Variants in PIK3CD observed in about 807,000 individuals in gnomAD.
The protein encoded by PIK3CD is phosphatidylinositol 4,5-bisphosphate 3-kinase catalytic subunit delta isoform.
In PIK3CD, 20 loss-of-function variants were observed where a neutral mutation model predicts 122.9. That is an observed-to-expected ratio of 0.16 (90% CI 0.11 to 0.24). The LOEUF is 0.24. Ranked by LOEUF, PIK3CD falls within the 10% of genes least tolerant of loss-of-function variation. PIK3CD has a pLI of 1.00. For synonymous variants in PIK3CD, 596 were observed against 593.4 expected (o/e 1.00, Z -0.06); for missense variants, 787 against 1,406.3 (o/e 0.56, Z 7.04).
the PIK3CD span, among the ~76,000 whole-genome samples, chr1:9,644,499 C>T: frequency 1.3e-4 from 19 of 151,058 alleles, no homozygotes; most frequent in African/African-American, 2.9e-4. Context: ...GCCTGGATGA[C>T]GAGGAAGACT....
chr1:9,644,905 A>G, the PIK3CD span, among the ~76,000 whole-genome samples: 2 of 152,182 alleles, frequency 1.3e-5, no homozygotes, highest in Non-Finnish European at 2.9e-5. Flanking sequence ...GGTGTTAGTC[A>G]TTAAAGGGTG....
At chr1:9,627,512 G>C in the PIK3CD span, among the ~76,000 whole-genome samples, 1 of 152,270 alleles carries the variant, frequency 6.6e-6, no homozygotes, top group Non-Finnish European at 1.5e-5. Context: ...CCGTCAGTGG[G>C]AGCATGACGC....
chr1:9,660,113 A>G (rs1230643537), intron 1 of PIK3CD, among the ~76,000 whole-genome samples: 64 of 152,298 alleles, frequency 4.2e-4, no homozygotes, highest in African/African-American at 1.5e-3. Flanking sequence ...GGCTTTCACC[A>G]TGTTGGTCAG....
intron 2 of PIK3CD, among the ~76,000 whole-genome samples, chr1:9,698,238 G>C (rs1646494322): frequency 6.6e-6 from 1 of 152,098 alleles, no homozygotes; most frequent in African/African-American, 2.4e-5. Context: ...CGCCTCCCAG[G>C]TTCAAGCAAT....
At chr1:9,681,661 C>T (rs1645758574) in intron 1 of PIK3CD, among the ~76,000 whole-genome samples, 1 of 152,180 alleles carries the variant, frequency 6.6e-6, no homozygotes, top group Non-Finnish European at 1.5e-5. Flanking sequence ...CTCCCCGCCT[C>T]GGGCTCCAAA....
intron 1 of PIK3CD, among the ~76,000 whole-genome samples, chr1:9,658,603 C>T (rs1206121433): frequency 7.2e-6 from 1 of 138,376 alleles, no homozygotes; most frequent in African/African-American, 2.7e-5. Context: ...GATCTTGGCT[C>T]ACTGCAACCT....
At position 9,716,742 on chromosome 1, in the gene PIK3CD, G is replaced by A. The variant is rs1193512692; in HGVS notation, c.780+123G>A. On this transcript the variant is annotated intron_variant, in intron 6 of 23. Coordinates refer to ENST00000377346, the MANE Select transcript of PIK3CD (RefSeq NM_005026.5). ...TGCCGAGCCAGGCCTTTGGGTCACC[G>A]CCAGAGCATCCCCTGGTAGGGCTGG... is the stretch of plus-strand genomic sequence containing the variant. 1.0e-5 allele frequency: 12 copies of A among 1,198,712 alleles called. 1 individual carries two copies. Among genetic ancestry groups the A allele is most frequent in the African/African-American group, 4.5e-5 (3 of 66,224 alleles). 74.3% of individuals were successfully genotyped at this position (1,198,712 alleles called of 1,614,324 possible). A position where few individuals can be genotyped will look rare whatever the true frequency, so the allele number is the denominator to read the frequency against.
At chr1:9,627,637 A>T in the PIK3CD span, among the ~76,000 whole-genome samples, 1 of 152,252 alleles carries the variant, frequency 6.6e-6, no homozygotes, top group East Asian at 1.9e-4. Context: ...CACTTTACAG[A>T]TATTAACTTA....
chr1:9,649,014 G>A (rs9430574), upstream of PIK3CD, among the ~76,000 whole-genome samples: 80,039 of 151,806 alleles, frequency 0.53, 24,907 homozygotes, highest in East Asian at 0.86. Flanking sequence ...AGGCATGAGA[G>A]TCGCTTGAAC....
chr1:9,705,514 C>A (rs1400747561), intron 2 of PIK3CD, among the ~76,000 whole-genome samples: 3 of 151,750 alleles, frequency 2.0e-5, no homozygotes, highest in African/African-American at 7.3e-5. Context: ...CAAAACAAAA[C>A]AGCAACAACA....
At chr1:9,654,315 G>A in intron 1 of PIK3CD, 2 of 1,367,732 alleles carry the variant, frequency 1.5e-6, no homozygotes, top group Non-Finnish European at 2.0e-6. Context: ...ACGCCGCCAG[G>A]TCTTTGCACT....
chr1:9,721,607 C>T lies in PIK3CD; in HGVS notation c.1955+20C>T. On this transcript the variant is annotated intron_variant, in intron 15 of 23. Coordinates refer to ENST00000377346, the MANE Select transcript of PIK3CD (RefSeq NM_005026.5). ...CCTCCGGTAGCGGGACTTGCCCCAG[C>T]CGTTCTGTGGGAATCCCAGCCCCTG... is the stretch of plus-strand genomic sequence containing the variant. 4.3e-6 allele frequency: 7 copies of T among 1,612,208 alleles called. No individual in the cohort carries two copies. Among genetic ancestry groups the T allele is most frequent in the Non-Finnish European group, 5.1e-6 (6 of 1,179,964 alleles).
In PIK3CD at chr1:9,689,115, T is replaced by C. The variant is rs1646087860; in HGVS notation, c.-137-2352T>C. Among the ~76,000 whole-genome samples, 1 of 152,168 alleles carries C rather than the reference T, an allele frequency of 6.6e-6. No individual in the cohort carries two copies. The stretch of plus-strand genomic sequence containing the variant: ...GTGACCTGGGTCCAGTACCCCGCCC[T>C]TTCTGCGGATGCCTTGCAAAGCGGG... On this transcript the variant is annotated intron_variant, in intron 1 of 23. Coordinates refer to ENST00000377346, the MANE Select transcript of PIK3CD (RefSeq NM_005026.5). The surrounding 1 kb of genome is among the most constrained non-coding windows in gnomAD (Gnocchi z 6.1).
the PIK3CD span, among the ~76,000 whole-genome samples, chr1:9,629,369 C>T: frequency 3.9e-5 from 6 of 151,958 alleles, no homozygotes; most frequent in African/African-American, 9.7e-5. Context: ...CAGGGGAGGA[C>T]GGTCCTCAGC....
Position 9,720,807 on chromosome 1 carries a change from C to A in PIK3CD, c.1587C>A (p.Asp529Glu), listed in dbSNP as rs1332713912. 1.2e-6 allele frequency: 2 copies of A among 1,613,134 alleles called. No individual in the cohort carries two copies. The highest frequency in any genetic ancestry group is 1.7e-6 in the Non-Finnish European group (2 of 1,179,808). ...GGGAGCTGTATGAGCACGAGAAGGA[C>A]CTGGTGTGGAAGCTGCGGCATGAAG... is the stretch of plus-strand genomic sequence containing the variant. ...GSGELYEHEK[D>E]LVWKLRHEVQ... The change falls in exon 13 of 24, where the codon GAC becomes GAA. Residue 529 changes from aspartate (D) to glutamate (E), a missense_variant. Asp to Glu is a conservative substitution (Grantham distance 45). Transcript: ENST00000377346. This position sits in a 1 kb window ranked among gnomAD's most constrained non-coding sequence, Gnocchi z 9.0.
At chr1:9,643,827 G>T in the PIK3CD span, among the ~76,000 whole-genome samples, 1 of 152,158 alleles carries the variant, frequency 6.6e-6, no homozygotes, top group African/African-American at 2.4e-5. Flanking sequence ...CAAAGAAGGT[G>T]CTCTTAACCC....
At chr1:9,697,063 CAAAAAAA>C (rs60416744) in intron 2 of PIK3CD, among the ~76,000 whole-genome samples, 3 of 77,006 alleles carry the variant, frequency 3.9e-5, no homozygotes, top group East Asian at 5.6e-4. Context: ...GATCCTGTCT[CAAAAAAA>C]AAAAAAAAAA....
At chr1:9,670,051 A>C (rs1250748953) in intron 1 of PIK3CD, among the ~76,000 whole-genome samples, 1 of 151,262 alleles carries the variant, frequency 6.6e-6, no homozygotes. Flanking sequence ...GTGGGTGCCT[A>C]TAATCCCAGC....
intron 1 of PIK3CD, among the ~76,000 whole-genome samples, chr1:9,684,401 G>A (rs974894185): frequency 6.6e-6 from 1 of 152,002 alleles, no homozygotes; most frequent in African/African-American, 2.4e-5. Context: ...GCTGGGCATG[G>A]TGGCAGGCCC....
Sources: allele counts gnomAD v4.1 joint callset (sites outside exome capture counted in the v4.1 genomes callset), GRCh38; gene constraint gnomAD v4.1.1; non-coding constraint Gnocchi (gnomAD v3.1); transcripts MANE v1.5; gene names NCBI Gene and HGNC (gene_info 2026-07-23, HGNC 2026-07-21).